The following IL1RAPL2 variants were observed in gnomAD, a reference collection of about 807,000 sequenced individuals.
IL1RAPL2 encodes the protein interleukin 1 receptor accessory protein like 2.
In IL1RAPL2, 3 loss-of-function variants were observed where a neutral mutation model predicts 44.1. That is an observed-to-expected ratio of 0.07 (90% confidence interval 0.03 to 0.18). The LOEUF is 0.18. Among genes scored for constraint, IL1RAPL2 ranks in the 10% least tolerant of loss-of-function variants. IL1RAPL2 has a pLI of 1.00. For synonymous variants in IL1RAPL2, 181 were observed against 178.8 expected (o/e 1.01, Z -0.10); for missense variants, 391 against 496.4 (o/e 0.79, Z 2.02).
intron 9 of IL1RAPL2, among the ~76,000 whole-genome samples, chrX:105,752,161 C>T (rs9887672): frequency 0.13 from 13,885 of 110,936 alleles, 747 homozygotes; most frequent in South Asian, 0.29. Context: ...CTATGCATGA[C>T]GCATTTACTT....
chrX:105,739,224 A>AGTT (rs2147574379), intron 7 of IL1RAPL2, among the ~76,000 whole-genome samples: 1 of 111,124 alleles, frequency 9.0e-6, no homozygotes, highest in African/African-American at 3.3e-5. Context: ...CCATGATCTT[A>AGTT]GTTTAGAGCT....
chrX:105,668,680 G>A (rs917766806), intron 6 of IL1RAPL2, among the ~76,000 whole-genome samples: 1 of 112,260 alleles, frequency 8.9e-6, no homozygotes, highest in Non-Finnish European at 1.9e-5. Flanking sequence ...AGTGATTCCT[G>A]TTTTGATCTG....
chrX:105,650,987 A>G (rs1420375567), intron 6 of IL1RAPL2, among the ~76,000 whole-genome samples: 1 of 112,460 alleles, frequency 8.9e-6, no homozygotes, highest in African/African-American at 3.2e-5. Context: ...CATTGAGAAA[A>G]GGAAAAGAAG....
intron 5 of IL1RAPL2, among the ~76,000 whole-genome samples, chrX:105,299,086 T>C (rs894804197): frequency 9.0e-6 from 1 of 111,685 alleles, no homozygotes; most frequent in Non-Finnish European, 1.9e-5. Flanking sequence ...AATGAAGATA[T>C]GGGGAATCAA....
At chrX:105,131,190 G>A (rs756867086) in intron 2 of IL1RAPL2, among the ~76,000 whole-genome samples, 2 of 110,555 alleles carry the variant, frequency 1.8e-5, no homozygotes, top group South Asian at 7.6e-4. Context: ...CTTAGCTTCA[G>A]TGTTGGAGAT....
chrX:104,632,162 C>A (rs1929665931), intron 1 of IL1RAPL2, among the ~76,000 whole-genome samples: 1 of 110,903 alleles, frequency 9.0e-6, no homozygotes, highest in Non-Finnish European at 1.9e-5. Flanking sequence ...AGATATGTGG[C>A]ATTATTTCTG....
chrX:105,056,141 G>A (rs2031990031), intron 2 of IL1RAPL2, among the ~76,000 whole-genome samples: 1 of 111,621 alleles, frequency 9.0e-6, no homozygotes, highest in African/African-American at 3.3e-5. Flanking sequence ...ATGAATATAT[G>A]TAGCTCCAAC....
intron 6 of IL1RAPL2, among the ~76,000 whole-genome samples, chrX:105,605,164 A>G (rs2037284408): frequency 9.0e-6 from 1 of 111,228 alleles, no homozygotes; most frequent in Non-Finnish European, 1.9e-5. Flanking sequence ...AAATTGTACC[A>G]GTTTGCAGTT....
At chrX:105,054,165 ACATACACACG>A (rs2031963659) in intron 2 of IL1RAPL2, among the ~76,000 whole-genome samples, 1 of 110,942 alleles carries the variant, frequency 9.0e-6, no homozygotes, top group Admixed American at 9.6e-5. Context: ...ACACACACAC[ACATACACACG>A]CATACACACA....
intron 2 of IL1RAPL2, among the ~76,000 whole-genome samples, chrX:105,054,137 C>T (rs1490026776): frequency 9.0e-6 from 1 of 111,549 alleles, no homozygotes; most frequent in Non-Finnish European, 1.9e-5. Context: ...ACCATCCCAT[C>T]ACATGGCACA....
At chrX:104,577,201 C>T (rs1348194347) in intron 1 of IL1RAPL2, among the ~76,000 whole-genome samples, 1 of 111,942 alleles carries the variant, frequency 8.9e-6, no homozygotes, top group African/African-American at 3.3e-5. Flanking sequence ...CTCAGTTATC[C>T]TCTGTTTTCT....
At position 104,869,066 on chromosome X, in the gene IL1RAPL2, G is replaced by A. The variant is rs749812351; in HGVS notation, c.82+210071G>A. On this transcript the variant is annotated intron_variant, in intron 2 of 10. Coordinates refer to ENST00000372582, the MANE Select transcript of IL1RAPL2 (RefSeq NM_017416.2). ...AAAATGTCAACTTTTCTTGGGCCTCGGTATAACTTTCTGGCCAATTCTTGA... is the reference window on the plus strand; with the variant it reads ...AAAATGTCAACTTTTCTTGGGCCTCAGTATAACTTTCTGGCCAATTCTTGA... Among the ~76,000 whole-genome samples the A allele has an allele frequency of 3.6e-4, 40 of 111,386 alleles. No homozygotes were observed. The South Asian group carries it at 0.012, about 34-fold the overall frequency.
At chrX:105,757,474 A>G (rs905965622) in intron 10 of IL1RAPL2, among the ~76,000 whole-genome samples, 2 of 112,142 alleles carry the variant, frequency 1.8e-5, no homozygotes, top group Non-Finnish European at 3.8e-5. Context: ...TTGTATCCCT[A>G]TAGTCATCTA....
chrX:105,120,310 T>C (rs1163932103), intron 2 of IL1RAPL2, among the ~76,000 whole-genome samples: 1 of 109,530 alleles, frequency 9.1e-6, no homozygotes, highest in African/African-American at 3.3e-5. Context: ...TCTATGTGGG[T>C]GGAAAGAGAA....
chrX:104,908,822 C>T (rs1924127827), intron 2 of IL1RAPL2, among the ~76,000 whole-genome samples: 1 of 109,996 alleles, frequency 9.1e-6, no homozygotes, highest in Admixed American at 9.7e-5. Context: ...GTGGCGTTCA[C>T]TGTATTTCCT....
chrX:104,984,719 T>C (rs1224287680), intron 2 of IL1RAPL2, among the ~76,000 whole-genome samples: 1 of 112,276 alleles, frequency 8.9e-6, no homozygotes, highest in Non-Finnish European at 1.9e-5. Flanking sequence ...CCTAAAAATA[T>C]GTTTCAAAAG....
chrX:105,219,153 C>G, intron 3 of IL1RAPL2: 1 of 1,211,284 alleles, frequency 8.3e-7, no homozygotes, highest in Non-Finnish European at 1.1e-6. Flanking sequence ...TGTGGGGCCC[C>G]CCATCAGACC....
intron 5 of IL1RAPL2, among the ~76,000 whole-genome samples, chrX:105,343,358 TTTA>T (rs772114402): frequency 1.8e-5 from 2 of 112,359 alleles, no homozygotes; most frequent in African/African-American, 6.4e-5. Flanking sequence ...CTATAAAACT[TTTA>T]TTAATATTTT....
chrX:105,540,816 A>T (rs1466736774), intron 6 of IL1RAPL2, among the ~76,000 whole-genome samples: 1 of 84,168 alleles, frequency 1.2e-5, no homozygotes. Context: ...TATATAATAT[A>T]TACATATATT....
Sources: gnomAD v4.1 joint callset for allele counts (sites outside exome capture counted in the v4.1 genomes callset) on GRCh38, gnomAD v4.1.1 for gene constraint, MANE v1.5 for transcripts, NCBI Gene and HGNC (gene_info 2026-07-23, HGNC 2026-07-21) for gene names.